IL12RB2: variants seen among roughly 807,000 people sequenced by gnomAD.
The protein encoded by IL12RB2 is interleukin 12 receptor subunit beta 2, also known as interleukin-12 receptor subunit beta-2.
IL12RB2 carries 82 observed loss-of-function variants against 89.4 expected under a neutral mutation model. The ratio of observed to expected loss-of-function variants is 0.92; its 90% CI spans 0.77 to 1.10. IL12RB2 has a LOEUF of 1.10. Among genes scored for constraint, IL12RB2 ranks in the 50% least tolerant of loss-of-function variants. The probability of loss-of-function intolerance (pLI) is 0.00; values close to 1 mark genes in which losing one functional copy is unlikely to be tolerated. For synonymous variants in IL12RB2, 368 were observed against 370.1 expected, an observed-to-expected ratio of 0.99 and a Z score of 0.07; for missense variants, 963 against 1,031.9, an observed-to-expected ratio of 0.93 and a Z score of 0.92.
intron 8 of IL12RB2, among the ~76,000 whole-genome samples, chr1:67,335,673 T>C (rs1658672860): frequency 6.6e-6 from 1 of 152,198 alleles, no homozygotes; most frequent in South Asian, 2.1e-4. Flanking sequence ...GTTTTATCTG[T>C]ATTTGGCTAG....
At chr1:67,369,039 G>A (rs547636797) in intron 11 of IL12RB2, among the ~76,000 whole-genome samples, 8 of 152,222 alleles carry the variant, frequency 5.3e-5, no homozygotes, top group African/African-American at 1.9e-4. Flanking sequence ...CCCTGCTTAA[G>A]GTGACAAGAT....
intron 9 of IL12RB2, 103 bp downstream of exon 9, chr1:67,338,806 A>G: frequency 1.4e-6 from 1 of 740,730 alleles, no homozygotes. Flanking sequence ...TGATTTTGCT[A>G]GAGCTCATTT....
intron 9 of IL12RB2, among the ~76,000 whole-genome samples, chr1:67,347,784 A>T (rs1660397708): frequency 6.6e-6 from 1 of 152,226 alleles, no homozygotes; most frequent in South Asian, 2.1e-4. Context: ...TAGCACTGTC[A>T]GAGAAGGAAA....
intron 8 of IL12RB2, among the ~76,000 whole-genome samples, chr1:67,333,287 T>G (rs912980196): frequency 6.6e-6 from 1 of 152,196 alleles, no homozygotes; most frequent in South Asian, 2.1e-4. Flanking sequence ...CACCAACTGA[T>G]GTAAACGTAA....
chr1:67,386,652 G>A lies in IL12RB2; in HGVS notation c.1929G>A (p.Thr643=), dbSNP rs2228420. The part of the protein sequence containing the change: ...IAIIMVGIFS[T]HYFQQKVFVL... ...TCATCATGGTGGGCATTTTCTCAAC[G>A]CATTACTTCCAGCAAAAGTGAGTTG... The change falls in exon 15 of 17, where the codon ACG becomes ACA. Residue 643 remains threonine, a synonymous_variant. Coordinates refer to ENST00000674203, the MANE Select transcript of IL12RB2 (RefSeq NM_001374259.2). 0.56 allele frequency: 898,073 copies of A among 1,607,342 alleles called. 259,069 individuals carry two copies. Among genetic ancestry groups the A allele is most frequent in the Non-Finnish European group, 0.59 (691,068 of 1,174,380 alleles).
In IL12RB2 at chr1:67,395,987, T is replaced by A. The variant is rs763526240; in HGVS notation, c.2487T>A (p.Leu829=). Reference sequence around the variant, plus strand: ...AACTGGAGCCTCAGCACATCTCCCTTTCTGTTTTCCCCTCAAGTTCTCTTC... The same window carrying A: ...AACTGGAGCCTCAGCACATCTCCCTATCTGTTTTCCCCTCAAGTTCTCTTC... ...LEELEPQHIS[L]SVFPSSSLHP... is the part of the protein sequence containing the mutation. Residue 829 remains leucine, a synonymous_variant, in exon 17 of 17, where the codon CTT becomes CTA. Coordinates refer to ENST00000674203, the MANE Select transcript of IL12RB2 (RefSeq NM_001374259.2). 5.0e-6 allele frequency: 8 copies of A among 1,604,810 alleles called. No individual in the cohort carries two copies. Among genetic ancestry groups the A allele is most frequent in the Non-Finnish European group, 6.8e-6 (8 of 1,171,584 alleles).
intron 10 of IL12RB2, among the ~76,000 whole-genome samples, chr1:67,366,816 C>T (rs1362681611): frequency 1.3e-5 from 2 of 152,110 alleles, no homozygotes; most frequent in Non-Finnish European, 2.9e-5. Context: ...CTGCTTGTCA[C>T]TCAAACATTG....
rs757066292 is a variant in IL12RB2 at position 67,367,831 on chromosome 1, T to C, written c.1265T>C (p.Leu422Pro). 72 of 1,566,004 alleles carry C rather than the reference T, an allele frequency of 4.6e-5. No homozygotes were observed. The South Asian group carries it at 7.9e-4, about 17-fold the overall frequency. Reference sequence around the variant, plus strand: ...CTCTTTCTGTCCGATAAAGGGTTGCTGGCTCCTCGCCAGGTCTCTGCAAAC... The same window carrying C: ...CTCTTTCTGTCCGATAAAGGGTTGCCGGCTCCTCGCCAGGTCTCTGCAAAC... ...NIMNLCEAGLLAPRQVSANSE... is the reference protein window; with the variant it reads ...NIMNLCEAGLPAPRQVSANSE... Residue 422 changes from leucine to proline, a missense_variant, in exon 11 of 17, where the codon CTG (leucine) becomes CCG (proline). By Grantham distance (98) the Leu-to-Pro change is moderately conservative. Transcript: ENST00000674203.
At position 67,389,000 on chromosome 1, in the gene IL12RB2, C is replaced by T. The variant is rs1665522044; in HGVS notation, c.1947-1029C>T. ...AGTCAACTAGGATCACATGCATCCT[C>T]TTCATGGAAATTGTGAAGATCAGTT... On this transcript the variant is annotated intron_variant, in intron 15 of 16. Transcript: ENST00000674203. 2.0e-5 allele frequency among the ~76,000 whole-genome samples: 3 copies of T among 151,972 alleles called. No homozygotes were observed. The South Asian group carries it at 6.2e-4, about 32-fold the overall frequency.
chr1:67,386,875 TATATATATATATATATATA>T (rs1665232316), intron 15 of IL12RB2, among the ~76,000 whole-genome samples: 10 of 19,972 alleles, frequency 5.0e-4, no homozygotes, highest in Non-Finnish European at 1.4e-3. Flanking sequence ...ATGTATTTTA[TATATATATATATATATATA>T]TATATATATA....
intron 10 of IL12RB2, among the ~76,000 whole-genome samples, chr1:67,357,486 GT>G (rs957287287): frequency 2.0e-4 from 30 of 152,060 alleles, no homozygotes; most frequent in Non-Finnish European, 2.4e-4. Context: ...TAGCAAAAGT[GT>G]TTTTTTTAAC....
chr1:67,312,330 T>C (rs562200863), intron 1 of IL12RB2, among the ~76,000 whole-genome samples: 20 of 152,336 alleles, frequency 1.3e-4, no homozygotes, highest in African/African-American at 4.8e-4. Context: ...GTTTTAGGCT[T>C]ATGGGAGCTA....
chr1:67,388,876 G>A (rs1324194226), intron 15 of IL12RB2, among the ~76,000 whole-genome samples: 2 of 152,128 alleles, frequency 1.3e-5, no homozygotes, highest in Admixed American at 1.3e-4. Context: ...CATTGAACTT[G>A]TCTAACAGGC....
intron 11 of IL12RB2, among the ~76,000 whole-genome samples, chr1:67,370,879 A>C (rs1663227829): frequency 6.6e-6 from 1 of 152,230 alleles, no homozygotes; most frequent in Admixed American, 6.5e-5. Flanking sequence ...TCCTCCGCTA[A>C]AGGTAAGCCA....
At chr1:67,386,459 T>C in intron 14 of IL12RB2, 120 bp from the exon 15 acceptor site, 1 of 786,066 alleles carries the variant, frequency 1.3e-6, no homozygotes, top group South Asian at 1.4e-5. Flanking sequence ...ATTTACCTTA[T>C]TCTTGAGCAC....
At chr1:67,378,647 C>T (rs996367789) in intron 13 of IL12RB2, among the ~76,000 whole-genome samples, 5 of 149,258 alleles carry the variant, frequency 3.3e-5, no homozygotes, top group Non-Finnish European at 7.4e-5. Context: ...GTCAGGAGTT[C>T]GAGACCAGCC....
At chr1:67,309,717 G>T (rs1255689424) in intron 1 of IL12RB2, among the ~76,000 whole-genome samples, 1 of 152,128 alleles carries the variant, frequency 6.6e-6, no homozygotes, top group East Asian at 1.9e-4. Context: ...AAGCACACAT[G>T]TAATTTTTAA....
chr1:67,360,132 T>A (rs1268702002), intron 10 of IL12RB2, among the ~76,000 whole-genome samples: 1 of 152,132 alleles, frequency 6.6e-6, no homozygotes, highest in Non-Finnish European at 1.5e-5. Flanking sequence ...CTGGGCGCGG[T>A]GGCTCACACC....
intron 7 of IL12RB2, 76 bp downstream of exon 7, chr1:67,329,805 C>T: frequency 9.9e-7 from 1 of 1,013,050 alleles, no homozygotes; most frequent in Non-Finnish European, 1.6e-6. Flanking sequence ...TCTTTTCATA[C>T]AGCAAAAAAT....
Sources: allele counts gnomAD v4.1 joint callset (sites outside exome capture counted in the v4.1 genomes callset), GRCh38; gene constraint gnomAD v4.1.1; transcripts MANE v1.5; gene names NCBI Gene and HGNC (gene_info 2026-07-23, HGNC 2026-07-21).